The following RHAG variants were observed in gnomAD, a reference collection of about 807,000 sequenced individuals.
The protein encoded by RHAG is ammonium transporter Rh type A.
A neutral mutation model predicts 42.4 loss-of-function variants in RHAG; 25 were observed. That is an observed-to-expected ratio of 0.59 (90% CI 0.43 to 0.82). RHAG has a LOEUF of 0.82. RHAG is among the 40% of genes least tolerant of loss of function. The pLI is 0.00. For synonymous variants in RHAG, 182 were observed against 177.7 expected (o/e 1.02, Z -0.19); for missense variants, 483 against 504.6 (o/e 0.96, Z 0.41).
chr6:49,623,500 G>A (rs942180623), intron 1 of RHAG, among the ~76,000 whole-genome samples: 2 of 152,214 alleles, frequency 1.3e-5, no homozygotes, highest in Non-Finnish European at 2.9e-5. Context: ...AATTTCTTTA[G>A]GGGTTCGCAC....
intron 7 of RHAG, among the ~76,000 whole-genome samples, chr6:49,608,503 A>G (rs1307856665): frequency 6.6e-6 from 1 of 152,028 alleles, no homozygotes; most frequent in Non-Finnish European, 1.5e-5. Context: ...TCAGCCTCGC[A>G]AGTAGCTGGG....
rs371265487 is a variant in RHAG at position 49,612,445 on chromosome 6, A to G, written c.897T>C (p.Ile299=). 1 of 1,614,044 alleles carries G rather than the reference A, an allele frequency of 6.2e-7. No homozygotes were observed. Among genetic ancestry groups the G allele is most frequent in the African/African-American group, 1.3e-5 (1 of 74,914 alleles). ...MAIHPFGSMI[I]GSIAGMVSVL... ...CAGAGACCATTCCTGCAATGCTCCC[A>G]ATAATCATAGAACCAAATGGGTGAA... The change falls in exon 6 of 10, where the codon ATT becomes ATC. Residue 299 remains isoleucine, a synonymous_variant. Transcript: ENST00000371175.
chr6:49,632,260 C>A (rs922370539), intron 1 of RHAG: 8 of 152,100 alleles, frequency 5.3e-5, no homozygotes, highest in African/African-American at 1.9e-4. Flanking sequence ...GAACAAGAAC[C>A]ATTTTAATAA....
Position 49,628,510 on chromosome 6 carries a change from T to A in RHAG, c.157+8146A>T, listed in dbSNP as rs565384727. ...GTTACAGCTCTTAAGGTGGCGTGTC[T>A]GGGTCTGGAGTTTGTTTCTTCTGAT... On this transcript the variant is annotated intron_variant, in intron 1 of 9. Transcript: ENST00000371175. Among the ~76,000 whole-genome samples, 13 of 152,234 alleles carry A rather than the reference T, an allele frequency of 8.5e-5. No individual in the cohort carries two copies. In the South Asian group the frequency reaches 1.7e-3, roughly 19 times the overall value.
Position 49,636,769 on chromosome 6 carries a change from G to A in RHAG, c.44C>T (p.Ala15Val), listed in dbSNP as rs1404560112. 6.2e-7 allele frequency: 1 copy of A among 1,613,774 alleles called. No homozygotes were observed. The highest frequency in any genetic ancestry group is 8.5e-7 in the Non-Finnish European group (1 of 1,179,826). ...AAATAATCCAAATAAAACAATCATG[G>A]CAATTTCCAGGACTATAGCCATGAG... The part of the protein sequence containing the change: ...FPLMAIVLEI[A>V]MIVLFGLFVE... Residue 15 changes from alanine to valine, a missense_variant, in exon 1 of 10, where the codon GCC (alanine) becomes GTC (valine). Physicochemically the swap from Ala to Val is moderately conservative, Grantham distance 64 (BLOSUM62 0). Coordinates refer to ENST00000371175, the MANE Select transcript of RHAG (RefSeq NM_000324.3).
chr6:49,611,272 A>G (rs955481791), intron 6 of RHAG, 127 bp from the exon 7 acceptor site: 3 of 728,746 alleles, frequency 4.1e-6, no homozygotes, highest in Admixed American at 2.6e-5. Flanking sequence ...ATTTTTATGT[A>G]TATTTAAGGT....
chr6:49,629,305 C>T (rs1429482802), intron 1 of RHAG, among the ~76,000 whole-genome samples: 1 of 151,906 alleles, frequency 6.6e-6, no homozygotes, highest in East Asian at 1.9e-4. Context: ...CCCACCAGAG[C>T]AGCTAGATAC....
intron 1 of RHAG, among the ~76,000 whole-genome samples, chr6:49,628,714 C>T (rs1246610319): frequency 2.4e-4 from 37 of 151,676 alleles, no homozygotes; most frequent in Admixed American, 2.4e-3. Context: ...TGCAGACCTT[C>T]GCGGTGAGTG....
intron 1 of RHAG, among the ~76,000 whole-genome samples, chr6:49,622,283 C>T (rs960979112): frequency 2.7e-5 from 4 of 146,782 alleles, no homozygotes; most frequent in African/African-American, 1.0e-4. Flanking sequence ...GTGGTGCGAT[C>T]TTGGCTCACT....
At chr6:49,633,941 A>G (rs1762969955) in intron 1 of RHAG, among the ~76,000 whole-genome samples, 1 of 152,132 alleles carries the variant, frequency 6.6e-6, no homozygotes. Context: ...CTTCCTGAGG[A>G]CATGGACTTT....
chr6:49,628,106 A>G (rs926370653), intron 1 of RHAG, among the ~76,000 whole-genome samples: 9 of 150,486 alleles, frequency 6.0e-5, no homozygotes, highest in Middle Eastern at 3.4e-3. Context: ...TGTCCGCTCC[A>G]TCTCACACCC....
At chr6:49,635,408 G>A (rs559349607) in intron 1 of RHAG, among the ~76,000 whole-genome samples, 2 of 152,068 alleles carry the variant, frequency 1.3e-5, no homozygotes, top group South Asian at 4.2e-4. Context: ...AATCATATTT[G>A]TTTTATTTTT....
chr6:49,612,729 G>C (rs1762587990), intron 5 of RHAG, among the ~76,000 whole-genome samples, 195 bp from the exon 6 acceptor site: 1 of 152,210 alleles, frequency 6.6e-6, no homozygotes, highest in Non-Finnish European at 1.5e-5. Context: ...TATCTTTCTT[G>C]CCGGTCCCTT....
At position 49,605,718 on chromosome 6, in the gene RHAG, G is replaced by T; in HGVS notation, c.*95C>A. ...TTTTTGTTTATTTGGACTTGATTCT[G>T]GATAATGGGAAAGGAAGCTGGAGAG... On this transcript the variant is annotated 3_prime_UTR_variant, in exon 10 of 10. Coordinates refer to ENST00000371175, the MANE Select transcript of RHAG (RefSeq NM_000324.3). 8.7e-7 allele frequency: 1 copy of T among 1,148,168 alleles called. No homozygotes were observed. The highest frequency in any genetic ancestry group is 1.3e-6 in the Non-Finnish European group (1 of 754,652). 71.1% of individuals were successfully genotyped at this position (1,148,168 alleles called of 1,614,324 possible). A position where few individuals can be genotyped will look rare whatever the true frequency, so the allele number is the denominator to read the frequency against.
chr6:49,632,577 A>G (rs1418615496), intron 1 of RHAG, among the ~76,000 whole-genome samples: 1 of 152,178 alleles, frequency 6.6e-6, no homozygotes, highest in Non-Finnish European at 1.5e-5. Context: ...CATTTGGAAG[A>G]CCTGTATAAG....
rs953755797 is a variant in RHAG, at chr6:49,608,065, A to T, written c.1068-845T>A. Among the ~76,000 whole-genome samples, 4 of 152,358 alleles carry T rather than the reference A, an allele frequency of 2.6e-5. No individual in the cohort carries two copies. In the South Asian group the frequency reaches 8.3e-4, roughly 32 times the overall value. ...GTGAAAACATTAGAAACTGCAGATA[A>T]CAAAAAGAAGCAGAAAAGTTTAATA... On this transcript the variant is annotated intron_variant, in intron 7 of 9. Coordinates refer to ENST00000371175, the MANE Select transcript of RHAG (RefSeq NM_000324.3).
At chr6:49,626,706 T>C (rs1270988965) in intron 1 of RHAG, among the ~76,000 whole-genome samples, 1 of 152,212 alleles carries the variant, frequency 6.6e-6, no homozygotes, top group Non-Finnish European at 1.5e-5. Flanking sequence ...ATTTCCCTTC[T>C]GCACTGCCCT....
intron 3 of RHAG, among the ~76,000 whole-genome samples, chr6:49,616,920 A>C (rs568364002): frequency 6.6e-6 from 1 of 152,266 alleles, no homozygotes; most frequent in African/African-American, 2.4e-5. Context: ...GCTATTAATC[A>C]TGCTTGGACT....
At position 49,614,761 on chromosome 6, in the gene RHAG, A is replaced by G. The variant is rs754914488; in HGVS notation, c.733T>C (p.Phe245Leu). ...KQCRAIVNTYFSLAACVLTAF... is the reference protein window; with the variant it reads ...KQCRAIVNTYLSLAACVLTAF... ...GTGAGCACACAGGCAGCGAGAGAGAAGTACGTGTTTACAATGGCCCTGCAC... is the reference window on the plus strand; with the variant it reads ...GTGAGCACACAGGCAGCGAGAGAGAGGTACGTGTTTACAATGGCCCTGCAC... Residue 245 changes from phenylalanine (F) to leucine (L), a missense_variant, in exon 5 of 10, where the codon TTC becomes CTC. Phe to Leu is a conservative substitution (Grantham distance 22). Transcript: ENST00000371175. The G allele has an allele frequency of 4.3e-6, 7 of 1,614,102 alleles. No homozygotes were observed. The Middle Eastern group carries it at 5.0e-4, about 114-fold the overall frequency.
Sources: gnomAD v4.1 joint callset for allele counts (sites outside exome capture counted in the v4.1 genomes callset) on GRCh38, gnomAD v4.1.1 for gene constraint, MANE v1.5 for transcripts, NCBI Gene and HGNC (gene_info 2026-07-23, HGNC 2026-07-21) for gene names.